DNAH9: variants seen among roughly 807,000 people sequenced by gnomAD.
DNAH9 encodes the protein dynein axonemal heavy chain 9, also known as DNAH9 variant protein.
In DNAH9, 345 loss-of-function variants were observed where a neutral mutation model predicts 471.6. The ratio of observed to expected loss-of-function variants is 0.73; its 90% CI spans 0.67 to 0.80. The LOEUF is 0.80. Among genes scored for constraint, DNAH9 ranks in the 30% least tolerant of loss-of-function variants. DNAH9 has a pLI of 0.00. For synonymous variants in DNAH9, 2,093 were observed against 2,123.6 expected (o/e 0.99, Z 0.40); for missense variants, 5,407 against 5,609.2 (o/e 0.96, Z 1.15).
chr17:11,888,293 C>T (rs112586968), intron 57 of DNAH9, among the ~76,000 whole-genome samples: 4 of 152,042 alleles, frequency 2.6e-5, no homozygotes, highest in Non-Finnish European at 5.9e-5. Flanking sequence ...CCATATTTTA[C>T]GTTTTTAAAA....
At chr17:11,708,431 C>T (rs2074768205) in intron 26 of DNAH9, among the ~76,000 whole-genome samples, 1 of 152,140 alleles carries the variant, frequency 6.6e-6, no homozygotes, top group Non-Finnish European at 1.5e-5. Context: ...TTCCTCCCTA[C>T]CTCAGCTTAA....
At chr17:11,669,031 T>G in intron 15 of DNAH9, 33 bp from the exon 16 acceptor site, 1 of 1,493,034 alleles carries the variant, frequency 6.7e-7, no homozygotes, top group Non-Finnish European at 9.2e-7. Flanking sequence ...TATCCACTCT[T>G]TGTTTTGTTT....
At chr17:11,724,713 C>T (rs1366084988) in intron 27 of DNAH9, among the ~76,000 whole-genome samples, 1 of 152,148 alleles carries the variant, frequency 6.6e-6, no homozygotes, top group African/African-American at 2.4e-5. Flanking sequence ...AGGCAGTGGT[C>T]CCCAACCTTT....
At chr17:11,943,156 AGTGCTGGGATTATAG>A (rs1198493492) in intron 67 of DNAH9, among the ~76,000 whole-genome samples, 6 of 151,700 alleles carry the variant, frequency 4.0e-5, no homozygotes, top group Admixed American at 3.9e-4. Context: ...AGCCTCCCAA[AGTGCTGGGATTATAG>A]GTGTGAGCCA....
In DNAH9 at chr17:11,962,048, C is replaced by A; in HGVS notation, c.13025C>A (p.Ser4342Tyr). 4 of 1,614,196 alleles carry A rather than the reference C, an allele frequency of 2.5e-6. No individual in the cohort carries two copies. The highest frequency in any genetic ancestry group is 3.4e-6 in the Non-Finnish European group (4 of 1,180,040). Reference sequence around the variant, plus strand: ...TGGACGGGTGACTTTACAATGCCCTCCACTGTGTGGCTGACAGGCTTCTTC... The same window carrying A: ...TGGACGGGTGACTTTACAATGCCCTACACTGTGTGGCTGACAGGCTTCTTC... ...EAWTGDFTMP[S>Y]TVWLTGFFNP... The change falls in exon 68 of 69, where the codon TCC (serine) becomes TAC (tyrosine). Residue 4342 changes from serine (S) to tyrosine (Y), a missense_variant. By Grantham distance (144) the Ser-to-Tyr change is moderately radical (BLOSUM62 -2). This residue lies in a region of DNAH9 where 4,636 missense variants were observed against 4,900.3 expected (regional missense o/e 0.95). Coordinates refer to ENST00000262442, the MANE Select transcript of DNAH9 (RefSeq NM_001372.4). The surrounding 1 kb of genome is among the most constrained non-coding windows in gnomAD (Gnocchi z 4.1).
intron 45 of DNAH9, among the ~76,000 whole-genome samples, chr17:11,817,116 A>G (rs1408311559): frequency 6.6e-6 from 1 of 152,158 alleles, no homozygotes; most frequent in Non-Finnish European, 1.5e-5. Flanking sequence ...AAACTTCTCA[A>G]ATATTTAAAT....
chr17:11,797,071 C>G (rs1012653225), intron 42 of DNAH9, among the ~76,000 whole-genome samples: 1 of 152,162 alleles, frequency 6.6e-6, no homozygotes, highest in Non-Finnish European at 1.5e-5. Flanking sequence ...CTGAGGGTGG[C>G]TAGTAGCGCA....
chr17:11,809,324 G>A (rs1330947333), intron 44 of DNAH9, among the ~76,000 whole-genome samples: 2 of 152,102 alleles, frequency 1.3e-5, no homozygotes, highest in Non-Finnish European at 2.9e-5. Context: ...CCAGCACTTT[G>A]GGAGGCTGAG....
Position 11,598,862 on chromosome 17 carries a change from T to A in DNAH9, c.364T>A (p.Cys122Ser). The part of the protein sequence containing the change: ...GPDSFRGAVV[C>S]GDLPAAPLEH... Reference sequence around the variant, plus strand: ...CGACAGCTTCCGCGGCGCAGTGGTCTGCGGGGACCTGCCCGCGGCACCTCT... The same window carrying A: ...CGACAGCTTCCGCGGCGCAGTGGTCAGCGGGGACCTGCCCGCGGCACCTCT... The change falls in exon 1 of 69, where the codon TGC becomes AGC. Residue 122 changes from cysteine to serine, a missense_variant. By Grantham distance (112) the Cys-to-Ser change is moderately radical. Around this residue, in one of 3 missense-constraint regions of DNAH9, gnomAD observed 767 missense variants for 692.5 expected, o/e 1.11. Coordinates refer to ENST00000262442, the MANE Select transcript of DNAH9 (RefSeq NM_001372.4). 1 of 1,539,500 alleles carries A rather than the reference T, an allele frequency of 6.5e-7. No homozygotes were observed. Among genetic ancestry groups the A allele is most frequent in the Non-Finnish European group, 8.7e-7 (1 of 1,149,496 alleles).
In DNAH9 at chr17:11,778,742, C is replaced by T. The variant is rs376754270; in HGVS notation, c.7553-2267C>T. Among the ~76,000 whole-genome samples the T allele has an allele frequency of 2.8e-4, 43 of 152,172 alleles. No individual in the cohort carries two copies. In the East Asian group the frequency reaches 5.4e-3, roughly 19 times the overall value. ...AAATTGCAGGCCGGGCACAGTGGCT[C>T]GTGCCTGTAATCCCAGCACTTTGGG... On this transcript the variant is annotated intron_variant, in intron 38 of 68. Coordinates refer to ENST00000262442, the MANE Select transcript of DNAH9 (RefSeq NM_001372.4).
intron 20 of DNAH9, among the ~76,000 whole-genome samples, chr17:11,692,333 A>C (rs908063549): frequency 3.3e-5 from 5 of 152,194 alleles, no homozygotes; most frequent in Non-Finnish European, 5.9e-5. Flanking sequence ...GATTGTTGTT[A>C]TGTAATAATA....
chr17:11,603,477 G>A (rs1484920519), intron 1 of DNAH9, among the ~76,000 whole-genome samples: 3 of 152,098 alleles, frequency 2.0e-5, no homozygotes, highest in African/African-American at 4.8e-5. Flanking sequence ...CATCCCATCC[G>A]TTGCTAGAGG....
chr17:11,767,793 A>C, intron 36 of DNAH9, among the ~76,000 whole-genome samples: 2 of 152,254 alleles, frequency 1.3e-5, no homozygotes, highest in South Asian at 4.1e-4. Flanking sequence ...ATAGGTATGC[A>C]TGCAAATTAT....
chr17:11,674,239 G>A (rs1321178232), intron 17 of DNAH9, among the ~76,000 whole-genome samples: 2 of 152,128 alleles, frequency 1.3e-5, no homozygotes, highest in African/African-American at 4.8e-5. Context: ...TTCCTCTAGG[G>A]TGTATACTTA....
chr17:11,896,521 A>C (rs2151008112), intron 59 of DNAH9, among the ~76,000 whole-genome samples: 1 of 152,332 alleles, frequency 6.6e-6, no homozygotes, highest in South Asian at 2.1e-4. Flanking sequence ...TTTATTTGTC[A>C]TTCTGGGCCC....
chr17:11,797,878 C>T, intron 43 of DNAH9, 85 bp downstream of exon 43: 1 of 1,403,186 alleles, frequency 7.1e-7, no homozygotes, highest in East Asian at 2.3e-5. Context: ...GAGGTCACTT[C>T]CGTAAAGCCA....
intron 61 of DNAH9, among the ~76,000 whole-genome samples, chr17:11,909,062 A>G (rs1290910722): frequency 6.6e-6 from 1 of 152,240 alleles, no homozygotes; most frequent in East Asian, 1.9e-4. Flanking sequence ...TGCTCCATAC[A>G]TTAGCATATC....
At chr17:11,885,692 A>G (rs1262449739) in intron 56 of DNAH9, among the ~76,000 whole-genome samples, 1 of 152,196 alleles carries the variant, frequency 6.6e-6, no homozygotes, top group Non-Finnish European at 1.5e-5. Context: ...CCACTGCTCT[A>G]AAACATACTT....
chr17:11,671,681 T>C (rs957281487), intron 17 of DNAH9, among the ~76,000 whole-genome samples: 1 of 152,216 alleles, frequency 6.6e-6, no homozygotes, highest in Non-Finnish European at 1.5e-5. Context: ...CACTGCTGTC[T>C]CAAGGAATTG....
Sources: gnomAD v4.1 joint callset for allele counts (sites outside exome capture counted in the v4.1 genomes callset) on GRCh38, gnomAD v4.1.1 for gene constraint, gnomAD v4.1.1 regional missense constraint, Gnocchi (gnomAD v3.1) non-coding constraint, MANE v1.5 for transcripts, NCBI Gene and HGNC (gene_info 2026-07-23, HGNC 2026-07-21) for gene names.